The following LRP1B variants were observed in gnomAD, a reference collection of about 807,000 sequenced individuals.
LRP1B encodes low-density lipoprotein receptor-related protein 1B.
A neutral mutation model predicts 556.6 loss-of-function variants in LRP1B; 217 were observed. That is an observed-to-expected ratio of 0.39 (90% CI 0.35 to 0.44). The LOEUF (loss-of-function observed/expected upper bound fraction) is 0.44. Among genes scored for constraint, LRP1B ranks in the 20% least tolerant of loss-of-function variants. LRP1B has a pLI of 1.00. For synonymous variants in LRP1B, 2,047 were observed against 1,865.8 expected (o/e 1.10, Z -2.50); for missense variants, 5,053 against 5,620.8 (o/e 0.90, Z 3.23).
At chr2:141,540,179 T>A (rs1328844443) in intron 2 of LRP1B, among the ~76,000 whole-genome samples, 2 of 152,020 alleles carry the variant, frequency 1.3e-5, no homozygotes, top group Non-Finnish European at 2.9e-5. Flanking sequence ...AGATTGAAAA[T>A]CATTAAGTAA....
intron 2 of LRP1B, among the ~76,000 whole-genome samples, chr2:141,544,335 T>TTCTTC (rs1685431436): frequency 3.0e-5 from 2 of 66,758 alleles, no homozygotes; most frequent in Middle Eastern, 7.4e-3. Flanking sequence ...CTTCTTCTTC[T>TTCTTC]TCTTCTTCTT....
intron 3 of LRP1B, among the ~76,000 whole-genome samples, chr2:141,359,267 G>GAAA (rs60786833): frequency 6.4e-3 from 790 of 123,460 alleles, no homozygotes; most frequent in Middle Eastern, 0.026. Context: ...CAAAATAAAT[G>GAAA]AAAAAAAAAA....
intron 18 of LRP1B, among the ~76,000 whole-genome samples, chr2:140,969,000 T>G (rs1696324576): frequency 6.6e-6 from 1 of 152,194 alleles, no homozygotes; most frequent in Non-Finnish European, 1.5e-5. Context: ...GAAAAATGTA[T>G]GTTCTGTTGA....
At chr2:140,706,919 C>T (rs1686859327) in intron 37 of LRP1B, among the ~76,000 whole-genome samples, 1 of 151,772 alleles carries the variant, frequency 6.6e-6, no homozygotes, top group African/African-American at 2.4e-5. Flanking sequence ...TTTGAGACAG[C>T]TAACATTAGT....
intron 2 of LRP1B, among the ~76,000 whole-genome samples, chr2:141,697,047 T>C (rs1473661539): frequency 1.3e-5 from 2 of 151,980 alleles, no homozygotes; most frequent in Non-Finnish European, 2.9e-5. Context: ...TAAATAAGCA[T>C]ATCACGTTCT....
intron 87 of LRP1B, among the ~76,000 whole-genome samples, chr2:140,244,519 A>C (rs1681075964): frequency 6.6e-6 from 1 of 151,344 alleles, no homozygotes; most frequent in African/African-American, 2.4e-5. Flanking sequence ...GAAGTATGCA[A>C]TGAATATTTT....
intron 1 of LRP1B, among the ~76,000 whole-genome samples, chr2:141,853,576 T>C (rs369509989): frequency 2.0e-5 from 3 of 151,978 alleles, no homozygotes; most frequent in African/African-American, 7.2e-5. Context: ...AAGCTAAATA[T>C]CAATACAAAT....
chr2:140,855,390 C>T lies in LRP1B; in HGVS notation c.4580-3607G>A, dbSNP rs556352744. Among the ~76,000 whole-genome samples, 37 of 149,958 alleles carry T rather than the reference C, an allele frequency of 2.5e-4. 1 individual carries two copies. Among genetic ancestry groups the T allele is most frequent in the Middle Eastern group, 6.9e-3 (2 of 290 alleles). On this transcript the variant is annotated intron_variant, in intron 27 of 90. Coordinates refer to ENST00000389484, the MANE Select transcript of LRP1B (RefSeq NM_018557.3). ...TTCTTTAAAAATTTGGGGCCAGGCA[C>T]GCCAATAATCCCAGCACTTTGGGAG...
At chr2:142,077,138 A>G (rs72992495) in intron 1 of LRP1B, among the ~76,000 whole-genome samples, 3,885 of 152,262 alleles carry the variant, frequency 0.026, 162 homozygotes, top group African/African-American at 0.089. Flanking sequence ...AATAAGTTAC[A>G]TAATCTCTTC....
intron 43 of LRP1B, among the ~76,000 whole-genome samples, chr2:140,567,942 C>T (rs996903558): frequency 5.3e-5 from 8 of 152,248 alleles, no homozygotes; most frequent in Middle Eastern, 3.4e-3. Flanking sequence ...TCACACCCTT[C>T]GTAACCAGTA....
chr2:141,160,700 A>G (rs1051422765), intron 7 of LRP1B, among the ~76,000 whole-genome samples: 3 of 152,136 alleles, frequency 2.0e-5, no homozygotes, highest in African/African-American at 7.2e-5. Flanking sequence ...ATACTCTTAA[A>G]GTAAAAAAAT....
At chr2:141,508,153 A>G (rs773035656) in intron 2 of LRP1B, among the ~76,000 whole-genome samples, 6 of 151,770 alleles carry the variant, frequency 4.0e-5, no homozygotes, top group Admixed American at 2.6e-4. Context: ...GGAATGTATG[A>G]TGTCTAAATG....
intron 32 of LRP1B, among the ~76,000 whole-genome samples, chr2:140,793,914 T>A (rs1690209551): frequency 6.6e-6 from 1 of 152,128 alleles, no homozygotes; most frequent in African/African-American, 2.4e-5. Flanking sequence ...ATGAATGTTA[T>A]GTTTTATACG....
intron 7 of LRP1B, among the ~76,000 whole-genome samples, chr2:141,149,672 C>T (rs866780170): frequency 1.3e-5 from 2 of 152,110 alleles, no homozygotes; most frequent in Admixed American, 6.6e-5. Context: ...TGAGGCACTG[C>T]GTCGGCTTCA....
intron 2 of LRP1B, among the ~76,000 whole-genome samples, chr2:141,545,595 A>G (rs1463080813): frequency 2.0e-5 from 3 of 152,176 alleles, no homozygotes; most frequent in Non-Finnish European, 4.4e-5. Context: ...ATGTAATCAC[A>G]GCGCTTCAGG....
At chr2:141,413,755 A>G (rs536129136) in intron 3 of LRP1B, among the ~76,000 whole-genome samples, 1 of 152,034 alleles carries the variant, frequency 6.6e-6, no homozygotes, top group African/African-American at 2.4e-5. Flanking sequence ...ATGGTGGTGC[A>G]TGCCTGTTGT....
intron 32 of LRP1B, among the ~76,000 whole-genome samples, chr2:140,798,799 C>T (rs1235713016): frequency 6.6e-6 from 1 of 152,146 alleles, no homozygotes; most frequent in Non-Finnish European, 1.5e-5. Flanking sequence ...TCTCCTGGAG[C>T]TGAGCATCAC....
At chr2:140,401,888 C>A (rs1166798039) in intron 66 of LRP1B, among the ~76,000 whole-genome samples, 7 of 152,220 alleles carry the variant, frequency 4.6e-5, no homozygotes, top group Non-Finnish European at 1.0e-4. Flanking sequence ...GTCCATGTAA[C>A]AAGTTCACTA....
At chr2:140,397,818 A>G (rs1684318039) in intron 66 of LRP1B, among the ~76,000 whole-genome samples, 1 of 152,174 alleles carries the variant, frequency 6.6e-6, no homozygotes, top group Non-Finnish European at 1.5e-5. Flanking sequence ...AAAGATGTGG[A>G]TACCTGCTTC....
Sources: allele counts gnomAD v4.1 joint callset (sites outside exome capture counted in the v4.1 genomes callset), GRCh38; gene constraint gnomAD v4.1.1; transcripts MANE v1.5; gene names NCBI Gene and HGNC (gene_info 2026-07-23, HGNC 2026-07-21).